The following SRGAP1 variants were observed in gnomAD, a reference collection of about 807,000 sequenced individuals.
SRGAP1 encodes SLIT-ROBO Rho GTPase activating protein 1.
Under a neutral mutation model 121.9 loss-of-function variants are expected in SRGAP1, and 43 were observed. That is an observed-to-expected ratio of 0.35 (90% CI 0.28 to 0.46). SRGAP1 has a LOEUF of 0.46. SRGAP1 is among the 20% of genes least tolerant of loss of function. The probability of loss-of-function intolerance (pLI) is 1.00; values close to 1 mark genes in which losing one functional copy is unlikely to be tolerated. For synonymous variants in SRGAP1, 447 were observed against 485.4 expected (o/e 0.92, Z 1.04); for missense variants, 1,102 against 1,350.9 (o/e 0.82, Z 2.89).
intron 1 of SRGAP1, among the ~76,000 whole-genome samples, chr12:63,914,262 T>A (rs1274376333): frequency 6.6e-6 from 1 of 152,226 alleles, no homozygotes; most frequent in Non-Finnish European, 1.5e-5. Flanking sequence ...CGGCTCTTAA[T>A]CACTTTTCCC....
intron 21 of SRGAP1, among the ~76,000 whole-genome samples, chr12:64,131,597 C>A (rs2036785741): frequency 6.6e-6 from 1 of 152,222 alleles, no homozygotes; most frequent in Admixed American, 6.5e-5. Context: ...CTTCCTCTGT[C>A]AAGTGATCAT....
At chr12:63,856,265 T>A (rs1247022415) in intron 1 of SRGAP1, among the ~76,000 whole-genome samples, 2 of 87,204 alleles carry the variant, frequency 2.3e-5, no homozygotes, top group Admixed American at 2.2e-4. Context: ...AATAAATAAA[T>A]AAATAAATAA....
chr12:63,963,052 T>C (rs536118126), intron 1 of SRGAP1, among the ~76,000 whole-genome samples: 53 of 152,316 alleles, frequency 3.5e-4, no homozygotes, highest in African/African-American at 1.2e-3. Context: ...GTGGCCTACA[T>C]TTATAGCTTA....
At position 63,990,679 on chromosome 12, in the gene SRGAP1, G is replaced by A. The variant is rs372243415; in HGVS notation, c.426+607G>A. ...GTGAGCAAAAATTTTGATATAAGAT[G>A]TTCCTGCAAATTGTACCTCTGCCCA... On this transcript the variant is annotated intron_variant, in intron 3 of 21. Coordinates refer to ENST00000355086, the MANE Select transcript of SRGAP1 (RefSeq NM_020762.4). Among the ~76,000 whole-genome samples the A allele has an allele frequency of 1.7e-4, 26 of 152,284 alleles. No homozygotes were observed. In the East Asian group the frequency reaches 4.4e-3, roughly 26 times the overall value.
rs1307639581 is a variant in SRGAP1, at chr12:64,111,741, CTTTCTTGT to C, written c.1920-18_1920-11del. ...TTTTCTCTTTGTTCTTTTATAACTC[CTTTCTTGT>C]TTCCTTTTGTAGTCTATCACAGTAC... is the stretch of plus-strand genomic sequence containing the variant. On this transcript the variant is annotated splice_polypyrimidine_tract_variant and intron_variant, in intron 16 of 21. Coordinates refer to ENST00000355086, the MANE Select transcript of SRGAP1 (RefSeq NM_020762.4). The C allele has an allele frequency of 6.5e-7, 1 of 1,546,626 alleles. No individual in the cohort carries two copies. The highest frequency in any genetic ancestry group is 1.8e-5 in the Admixed American group (1 of 55,094).
chr12:64,142,490 C>G lies in SRGAP1; in HGVS notation c.3076C>G (p.Arg1026Gly), dbSNP rs145343251. The stretch of plus-strand genomic sequence containing the variant: ...CAGGAGCTCCGAGCCTCAGATTCGA[C>G]GTAGCACGAGCTCCTCCAGTGACAC... Reference protein sequence around the residue: ...ALRSSEPQIRRSTSSSSDTMS... With the variant: ...ALRSSEPQIRGSTSSSSDTMS... Residue 1026 changes from arginine to glycine, a missense_variant, in exon 22 of 22, where the codon CGT becomes GGT. Coordinates refer to ENST00000355086, the MANE Select transcript of SRGAP1 (RefSeq NM_020762.4). The G allele has an allele frequency of 4.3e-6, 7 of 1,614,156 alleles. No homozygotes were observed. In the Admixed American group the frequency reaches 6.7e-5, roughly 15 times the overall value.
At chr12:63,975,642 C>T (rs1286426607) in intron 1 of SRGAP1, among the ~76,000 whole-genome samples, 4 of 152,080 alleles carry the variant, frequency 2.6e-5, no homozygotes, top group Admixed American at 2.0e-4. Context: ...ACTCACAGCA[C>T]ACTTCTCTTC....
intron 1 of SRGAP1, among the ~76,000 whole-genome samples, chr12:63,855,230 T>C (rs1392009814): frequency 6.6e-6 from 1 of 152,134 alleles, no homozygotes; most frequent in East Asian, 1.9e-4. Flanking sequence ...GTGTTTCAGC[T>C]TGTAGGAAGG....
At chr12:63,881,092 C>A (rs952069194) in intron 1 of SRGAP1, among the ~76,000 whole-genome samples, 2 of 152,200 alleles carry the variant, frequency 1.3e-5, no homozygotes, top group South Asian at 4.1e-4. Context: ...GCGAAGTCAA[C>A]TGGAAAGTGT....
chr12:64,039,533 G>A (rs1345048978), intron 4 of SRGAP1, among the ~76,000 whole-genome samples: 3 of 151,876 alleles, frequency 2.0e-5, no homozygotes, highest in African/African-American at 7.3e-5. Context: ...TCAGATACTC[G>A]GGGTGGCCTG....
intron 1 of SRGAP1, among the ~76,000 whole-genome samples, chr12:63,931,214 A>G (rs2031464386): frequency 6.6e-6 from 1 of 152,212 alleles, no homozygotes. Context: ...AATGAGCAAG[A>G]AGCGATACAG....
At chr12:63,936,580 G>A (rs2136345049) in intron 1 of SRGAP1, among the ~76,000 whole-genome samples, 1 of 152,270 alleles carries the variant, frequency 6.6e-6, no homozygotes, top group Non-Finnish European at 1.5e-5. Context: ...AGAGGAACCA[G>A]TAGACAAGTG....
chr12:63,865,955 G>A (rs999843840), intron 1 of SRGAP1, among the ~76,000 whole-genome samples: 2 of 152,084 alleles, frequency 1.3e-5, no homozygotes, highest in Non-Finnish European at 2.9e-5. Flanking sequence ...CATCGTTGTC[G>A]GTTGTGGTAT....
rs2035515534 is a variant in SRGAP1 at position 64,065,157 on chromosome 12, C to T, written c.1063C>T (p.Leu355Phe). 2.5e-6 allele frequency: 4 copies of T among 1,613,742 alleles called. No individual in the cohort carries two copies. Among genetic ancestry groups the T allele is most frequent in the South Asian group, 2.2e-5 (2 of 91,030 alleles). Residue 355 changes from leucine to phenylalanine, a missense_variant, in exon 8 of 22, where the codon CTC becomes TTC. Coordinates refer to ENST00000355086, the MANE Select transcript of SRGAP1 (RefSeq NM_020762.4). Reference sequence around the variant, plus strand: ...TGCCCAGCAGCCAGTCCAGGCAGAGCTCATGCTCAGGTACCAACAGTTGCA... The same window carrying T: ...TGCCCAGCAGCCAGTCCAGGCAGAGTTCATGCTCAGGTACCAACAGTTGCA... Reference protein sequence around the residue: ...VSAQQPVQAELMLRYQQLQSR... With the variant: ...VSAQQPVQAEFMLRYQQLQSR...
Position 64,158,896 on chromosome 12 carries a change from C to G in SRGAP1, c.*16224C>G, listed in dbSNP as rs2037188333. On this transcript the variant is annotated 3_prime_UTR_variant, in exon 22 of 22. Coordinates refer to ENST00000355086, the MANE Select transcript of SRGAP1 (RefSeq NM_020762.4). ...CATTTGGAACATGTCAAACAGTAAT[C>G]AGAGGTCAGGTTGAGGAAAAAATGA... The G allele has an allele frequency of 6.6e-6, 1 of 152,160 alleles. No homozygotes were observed. The highest frequency in any genetic ancestry group is 1.5e-5 in the Non-Finnish European group (1 of 68,048). 9.4% of individuals were successfully genotyped at this position (152,160 alleles called of 1,614,324 possible).
At chr12:64,039,628 C>CGTGTGTGTGTGTGTGTGT (rs6144742) in intron 4 of SRGAP1, among the ~76,000 whole-genome samples, 4,305 of 130,840 alleles carry the variant, frequency 0.033, 267 homozygotes, top group Non-Finnish European at 0.046. Context: ...AGCTGAGCAA[C>CGTGTGTGTGTGTGTGTGT]GTGTGTGTGT....
At chr12:63,977,288 A>G (rs1003996482) in intron 1 of SRGAP1, among the ~76,000 whole-genome samples, 1 of 152,216 alleles carries the variant, frequency 6.6e-6, no homozygotes, top group South Asian at 2.1e-4. Flanking sequence ...GATAGAGGTA[A>G]TAATACATCT....
rs558685697 is a variant in SRGAP1 at position 64,048,202 on chromosome 12, T to G, written c.801+4627T>G. On this transcript the variant is annotated intron_variant, in intron 6 of 21. Coordinates refer to ENST00000355086, the MANE Select transcript of SRGAP1 (RefSeq NM_020762.4). ...ATTCTGTCTATCTCCATAAGTTTAA[T>G]TGTTTTGATTTTTAGCTCTCACAAA... is the stretch of plus-strand genomic sequence containing the variant. Among the ~76,000 whole-genome samples, 21 of 152,258 alleles carry G rather than the reference T, an allele frequency of 1.4e-4. 1 individual carries two copies. The South Asian group carries it at 4.4e-3, about 32-fold the overall frequency.
rs1467525693 is a variant in SRGAP1 at position 64,159,732 on chromosome 12, T to C, written c.*17060T>C. 1.3e-5 allele frequency: 2 copies of C among 152,254 alleles called. No individual in the cohort carries two copies. The highest frequency in any genetic ancestry group is 3.9e-4 in the East Asian group (2 of 5,190). 9.4% of individuals were successfully genotyped at this position (152,254 alleles called of 1,614,324 possible). A position where few individuals can be genotyped will look rare whatever the true frequency, so the allele number is the denominator to read the frequency against. ...CACTCATAGAAGCCTCCCGTTAAGATGGCAGAGCTGTAATGCTAGAAAAGC... is the reference window on the plus strand; with the variant it reads ...CACTCATAGAAGCCTCCCGTTAAGACGGCAGAGCTGTAATGCTAGAAAAGC... On this transcript the variant is annotated 3_prime_UTR_variant, in exon 22 of 22. Transcript: ENST00000355086.
Sources: allele counts gnomAD v4.1 joint callset (sites outside exome capture counted in the v4.1 genomes callset), GRCh38; gene constraint gnomAD v4.1.1; transcripts MANE v1.5; gene names NCBI Gene and HGNC (gene_info 2026-07-23, HGNC 2026-07-21).